The following SHROOM4 variants were observed in gnomAD, a reference collection of about 807,000 sequenced individuals.
SHROOM4 encodes shroom family member 4, also known as protein Shroom4.
Under a neutral mutation model 80.3 loss-of-function variants are expected in SHROOM4, and 17 were observed. That is an observed-to-expected ratio of 0.21 (90% CI 0.14 to 0.32). The LOEUF (loss-of-function observed/expected upper bound fraction) is 0.32. SHROOM4 is among the 10% of genes least tolerant of loss of function. SHROOM4 has a pLI of 1.00. For synonymous variants in SHROOM4, 400 were observed against 437.5 expected, an observed-to-expected ratio of 0.91 and a Z score of 1.07; for missense variants, 993 against 1,140.3, an observed-to-expected ratio of 0.87 and a Z score of 1.86.
At chrX:50,698,190 C>T (rs1316870243) in intron 1 of SHROOM4, among the ~76,000 whole-genome samples, 1 of 112,038 alleles carries the variant, frequency 8.9e-6, no homozygotes, top group African/African-American at 3.2e-5. Flanking sequence ...AGGGGAAAAC[C>T]TTTTAAACTA....
At chrX:50,656,616 G>A (rs1251508396) in intron 2 of SHROOM4, among the ~76,000 whole-genome samples, 6 of 110,361 alleles carry the variant, frequency 5.4e-5, no homozygotes, top group South Asian at 3.8e-4. Flanking sequence ...TGGTATTTCC[G>A]TTTTTATGCC....
At chrX:50,801,261 GGAGAGAGA>G (rs781878531) in intron 1 of SHROOM4, among the ~76,000 whole-genome samples, 5 of 81,530 alleles carry the variant, frequency 6.1e-5, no homozygotes, top group East Asian at 9.1e-4. Flanking sequence ...GAGAGAAAGA[GGAGAGAGA>G]GAGAGAGAGA....
chrX:50,808,378 A>G (rs782714418), intron 1 of SHROOM4, among the ~76,000 whole-genome samples: 1 of 112,027 alleles, frequency 8.9e-6, no homozygotes, highest in South Asian at 3.8e-4. Context: ...AAGCTCAGGG[A>G]CACTGCACAG....
At chrX:50,679,558 T>C (rs184326663) in intron 2 of SHROOM4, among the ~76,000 whole-genome samples, 158 of 111,880 alleles carry the variant, frequency 1.4e-3, no homozygotes, top group African/African-American at 4.7e-3. Context: ...TTTGTGTGCA[T>C]GTATTTTTAT....
At chrX:50,728,536 T>G (rs1934292332) in intron 1 of SHROOM4, among the ~76,000 whole-genome samples, 1 of 111,404 alleles carries the variant, frequency 9.0e-6, no homozygotes, top group Non-Finnish European at 1.9e-5. Context: ...ATCCATTAGA[T>G]CAAGGGGCTT....
At chrX:50,729,223 G>A (rs782565212) in intron 1 of SHROOM4, among the ~76,000 whole-genome samples, 1 of 111,563 alleles carries the variant, frequency 9.0e-6, no homozygotes, top group Non-Finnish European at 1.9e-5. Context: ...AGACTATAAA[G>A]CAGCTATTAT....
intron 1 of SHROOM4, among the ~76,000 whole-genome samples, chrX:50,802,668 G>A (rs1936149765): frequency 8.9e-6 from 1 of 112,055 alleles, no homozygotes; most frequent in African/African-American, 3.2e-5. Context: ...GACTGGTACT[G>A]TGCTAGGTGC....
At chrX:50,786,003 A>G (rs1935731289) in intron 1 of SHROOM4, among the ~76,000 whole-genome samples, 1 of 111,605 alleles carries the variant, frequency 9.0e-6, no homozygotes, top group Non-Finnish European at 1.9e-5. Flanking sequence ...CAACAACAAA[A>G]TATAGACAAA....
chrX:50,810,131 C>A (rs782136809), intron 1 of SHROOM4, among the ~76,000 whole-genome samples: 18 of 110,995 alleles, frequency 1.6e-4, no homozygotes, highest in African/African-American at 5.6e-4. Context: ...GTGCAAGACA[C>A]CGCATCCAGC....
At chrX:50,805,437 C>T (rs1241289157) in intron 1 of SHROOM4, among the ~76,000 whole-genome samples, 3 of 111,784 alleles carry the variant, frequency 2.7e-5, no homozygotes, top group Admixed American at 9.5e-5. Flanking sequence ...AGGGGCTGTT[C>T]GTAACTGGGC....
In SHROOM4 at chrX:50,634,411, T is replaced by C; in HGVS notation, c.1662A>G (p.Glu554=). 4 of 1,211,497 alleles carry C rather than the reference T, an allele frequency of 3.3e-6. No homozygotes were observed. Among genetic ancestry groups the C allele is most frequent in the Admixed American group, 4.3e-5 (2 of 46,019 alleles). ...TKAASGTEAG[E]EGDSEPKECS... is the part of the protein sequence containing the mutation. ...ACTCCTTGGGCTCGCTGTCCCCTTC[T>C]TCACCTGCCTCTGTGCCACTAGCTG... The change falls in exon 4 of 9, where the codon GAA becomes GAG. Residue 554 remains glutamate, a synonymous_variant. Transcript: ENST00000376020.
chrX:50,744,460 T>G (rs1224136602), intron 1 of SHROOM4, among the ~76,000 whole-genome samples: 1 of 112,050 alleles, frequency 8.9e-6, no homozygotes, highest in Non-Finnish European at 1.9e-5. Context: ...GTTCTATCAC[T>G]TCATTGATAT....
Position 50,686,861 on chromosome X carries a change from C to T in SHROOM4, c.269+8925G>A, listed in dbSNP as rs188489159. Among the ~76,000 whole-genome samples the T allele has an allele frequency of 1.3e-3, 148 of 111,628 alleles. 1 individual carries two copies. The highest frequency in any genetic ancestry group is 3.2e-3 in the Admixed American group (34 of 10,555). On this transcript the variant is annotated intron_variant, in intron 2 of 8. Coordinates refer to ENST00000376020, the MANE Select transcript of SHROOM4 (RefSeq NM_020717.5). ...CCATGGTATCCCCAACAGCTAACTC[C>T]GTATCTAGATGGAAGTAGCATTTAA...
chrX:50,707,038 C>T lies in SHROOM4; in HGVS notation c.118-11101G>A, dbSNP rs782721969. 6.2e-5 allele frequency among the ~76,000 whole-genome samples: 7 copies of T among 112,122 alleles called. 1 individual carries two copies. In the South Asian group the frequency reaches 2.3e-3, roughly 36 times the overall value. On this transcript the variant is annotated intron_variant, in intron 1 of 8. Transcript: ENST00000376020. Reference sequence around the variant, plus strand: ...TTCAAAGTAACATCGACTCCACCTTCGTGTGTACAGACATTACAACAGGCT... The same window carrying T: ...TTCAAAGTAACATCGACTCCACCTTTGTGTGTACAGACATTACAACAGGCT...
intron 1 of SHROOM4, 121 bp from the exon 2 acceptor site, chrX:50,696,058 T>C (rs781999423): frequency 2.3e-4 from 177 of 783,946 alleles, no homozygotes; most frequent in Non-Finnish European, 3.1e-4. Flanking sequence ...AGGCAGCTCC[T>C]GGGAGTAGCT....
At chrX:50,732,417 G>A (rs1934393326) in intron 1 of SHROOM4, among the ~76,000 whole-genome samples, 1 of 111,520 alleles carries the variant, frequency 9.0e-6, no homozygotes, top group South Asian at 3.8e-4. Context: ...CAAGTAGAAG[G>A]AAGGAAATAA....
At chrX:50,645,958 C>T (rs1931817030) in intron 2 of SHROOM4, among the ~76,000 whole-genome samples, 1 of 111,297 alleles carries the variant, frequency 9.0e-6, no homozygotes, top group South Asian at 3.8e-4. Context: ...AGTCAGTCTC[C>T]AGCTGCGCTA....
chrX:50,737,739 T>C (rs1238021607), intron 1 of SHROOM4, among the ~76,000 whole-genome samples: 1 of 111,718 alleles, frequency 9.0e-6, no homozygotes, highest in Non-Finnish European at 1.9e-5. Flanking sequence ...AGCCGAATTC[T>C]ACCAGAGGTA....
At chrX:50,668,370 G>A (rs1378046408) in intron 2 of SHROOM4, among the ~76,000 whole-genome samples, 1 of 111,132 alleles carries the variant, frequency 9.0e-6, no homozygotes, top group African/African-American at 3.3e-5. Flanking sequence ...TGAAAGCCTA[G>A]CAGAAACAAG....
Sources: gnomAD v4.1 joint callset for allele counts (sites outside exome capture counted in the v4.1 genomes callset) on GRCh38, gnomAD v4.1.1 for gene constraint, MANE v1.5 for transcripts, NCBI Gene and HGNC (gene_info 2026-07-23, HGNC 2026-07-21) for gene names.